The following CDX4 variants were observed in gnomAD, a reference collection of about 807,000 sequenced individuals.
CDX4 encodes homeobox protein CDX-4.
In CDX4, 11 loss-of-function variants were observed where a neutral mutation model predicts 14.1. The observed-to-expected ratio is 0.78, with a 90% CI of 0.49 to 1.29. The LOEUF is 1.29. Ranked by LOEUF, CDX4 falls within the 50% of genes most tolerant of loss-of-function variation. The pLI, the probability that CDX4 is intolerant of heterozygous loss-of-function variation, is 0.00. For missense variants in CDX4, 257 were observed against 237.4 expected (o/e 1.08, Z -0.54); for synonymous variants, 100 against 93.5 (o/e 1.07, Z -0.40).
chrX:73,448,825 C>T (rs947723372), intron 1 of CDX4, among the ~76,000 whole-genome samples: 1 of 112,183 alleles, frequency 8.9e-6, no homozygotes, highest in Admixed American at 9.4e-5. Flanking sequence ...ATTTTCATCC[C>T]TCTGGGGAGG....
intron 1 of CDX4, among the ~76,000 whole-genome samples, chrX:73,450,179 G>A (rs1032250920): frequency 7.2e-5 from 8 of 111,745 alleles, no homozygotes; most frequent in African/African-American, 2.6e-4. Flanking sequence ...AAAAATGCAT[G>A]TATTAGTGGA....
intron 2 of CDX4, among the ~76,000 whole-genome samples, chrX:73,453,939 C>T (rs1255326175): frequency 9.0e-6 from 1 of 111,438 alleles, no homozygotes; most frequent in Non-Finnish European, 1.9e-5. Flanking sequence ...GATAAATTTT[C>T]TATTTTATTT....
At chrX:73,450,179 G>C (rs1032250920) in intron 1 of CDX4, among the ~76,000 whole-genome samples, 3 of 111,745 alleles carry the variant, frequency 2.7e-5, no homozygotes, top group Non-Finnish European at 5.7e-5. Context: ...AAAAATGCAT[G>C]TATTAGTGGA....
rs1015820844 is a variant in CDX4 at position 73,453,429 on chromosome X, G to A, written c.503-88G>A. The A allele has an allele frequency of 4.1e-5, 29 of 699,570 alleles. No homozygotes were observed. The Admixed American group carries it at 1.1e-3, about 26-fold the overall frequency. 57.7% of individuals were successfully genotyped at this position (699,570 alleles called of 1,213,427 possible). A position where few individuals can be genotyped will look rare whatever the true frequency, so the allele number is the denominator to read the frequency against. ...ATTTTATATTTTAAAGCAAAGATGAGGGTGGGAAGAGTGTCTATGATTTCT... is the reference window on the plus strand; with the variant it reads ...ATTTTATATTTTAAAGCAAAGATGAAGGTGGGAAGAGTGTCTATGATTTCT... On this transcript the variant is annotated intron_variant, in intron 1 of 2. Transcript: ENST00000373514.
chrX:73,451,521 T>A (rs1460911187), intron 1 of CDX4, among the ~76,000 whole-genome samples: 2 of 111,264 alleles, frequency 1.8e-5, no homozygotes, highest in African/African-American at 6.5e-5. Context: ...TATCCCTCCT[T>A]TCTTCAGGGG....
intron 2 of CDX4, among the ~76,000 whole-genome samples, chrX:73,453,921 A>G (rs949674247): frequency 3.6e-5 from 4 of 111,709 alleles, no homozygotes; most frequent in African/African-American, 1.3e-4. Flanking sequence ...ATAGTATACT[A>G]ATAGGAAGAT....
chrX:73,450,476 G>C (rs1195542833), intron 1 of CDX4, among the ~76,000 whole-genome samples: 4 of 112,056 alleles, frequency 3.6e-5, no homozygotes, highest in African/African-American at 1.3e-4. Flanking sequence ...CTGGAGAGAG[G>C]CTTTTCTGTT....
chrX:73,448,267 C>T (rs950764161), intron 1 of CDX4, among the ~76,000 whole-genome samples: 1 of 110,787 alleles, frequency 9.0e-6, no homozygotes, highest in Admixed American at 9.6e-5. Flanking sequence ...TGGCTGGCAA[C>T]GGACCCTCCA....
chrX:73,450,961 T>C (rs1166284525), intron 1 of CDX4, among the ~76,000 whole-genome samples: 1 of 111,546 alleles, frequency 9.0e-6, no homozygotes, highest in East Asian at 2.8e-4. Context: ...GCTTGTGAAT[T>C]CTGGGGAGAT....
At chrX:73,452,231 G>A (rs1273265650) in intron 1 of CDX4, among the ~76,000 whole-genome samples, 4 of 107,199 alleles carry the variant, frequency 3.7e-5, no homozygotes, top group African/African-American at 1.4e-4. Flanking sequence ...AATGTAAAGA[G>A]GGTTCAGAAT....
Position 73,447,717 on chromosome X carries a change from G to A in CDX4, c.464G>A (p.Ser155Asn). The A allele has an allele frequency of 1.7e-6, 2 of 1,196,164 alleles. No individual in the cohort carries two copies. Among genetic ancestry groups the A allele is most frequent in the South Asian group, 1.8e-5 (1 of 55,507 alleles). The change falls in exon 1 of 3, where the codon AGC (serine) becomes AAC (asparagine). Residue 155 changes from serine (S) to asparagine (N), a missense_variant. Coordinates refer to ENST00000373514, the MANE Select transcript of CDX4 (RefSeq NM_005193.2). ...AGTTCCCCCAGCAGGAGCCGCCACA[G>A]CCCCTATGCATGGATGCGCAAGACG... ...KASSPSRSRH[S>N]PYAWMRKTVQ... is the part of the protein sequence containing the mutation.
intron 1 of CDX4, 108 bp from the exon 2 acceptor site, chrX:73,453,409 A>T: frequency 1.7e-6 from 1 of 596,109 alleles, no homozygotes; most frequent in East Asian, 3.8e-5. Flanking sequence ...TACTTATTTT[A>T]TATTTTAAAG....
rs73227752 is a variant in CDX4 at position 73,448,600 on chromosome X, C to A, written c.502+845C>A. On this transcript the variant is annotated intron_variant, in intron 1 of 2. Transcript: ENST00000373514. ...GGCTGAATGCAGGTCTGCGGCAGCG[C>A]GAGAGAAGTCAAAGCGATCGCGATC... Among the ~76,000 whole-genome samples, 66 of 112,145 alleles carry A rather than the reference C, an allele frequency of 5.9e-4. 1 individual carries two copies. Among genetic ancestry groups the A allele is most frequent in the Non-Finnish European group, 1.0e-3 (54 of 53,214 alleles).
rs2057102542 is a variant in CDX4 at position 73,455,000 on chromosome X, A to C, written c.*415A>C. The C allele has an allele frequency of 8.6e-6, 1 of 116,647 alleles. No individual in the cohort carries two copies. The highest frequency in any genetic ancestry group is 1.8e-5 in the Non-Finnish European group (1 of 56,378). 9.6% of individuals were successfully genotyped at this position (116,647 alleles called of 1,213,427 possible). A position where few individuals can be genotyped will look rare whatever the true frequency, so the allele number is the denominator to read the frequency against. ...TATGCTATCTTTAAGGAGTGAGAAG[A>C]AGGTAAACCGAAGTTTATCTATCTT... On this transcript the variant is annotated 3_prime_UTR_variant, in exon 3 of 3. Coordinates refer to ENST00000373514, the MANE Select transcript of CDX4 (RefSeq NM_005193.2).
intron 1 of CDX4, among the ~76,000 whole-genome samples, chrX:73,452,345 C>A (rs901061394): frequency 6.4e-5 from 7 of 109,037 alleles, no homozygotes; most frequent in African/African-American, 2.3e-4. Flanking sequence ...CTACAGATCG[C>A]CCCCAAAAAA....
Position 73,447,531 on chromosome X carries a change from T to C in CDX4, c.278T>C (p.Met93Thr), listed in dbSNP as rs754885067. Residue 93 changes from methionine (M) to threonine (T), a missense_variant, in exon 1 of 3, where the codon ATG becomes ACG. By Grantham distance (81) the Met-to-Thr change is moderately conservative. Coordinates refer to ENST00000373514, the MANE Select transcript of CDX4 (RefSeq NM_005193.2). ...WSVYPGPSST[M>T]GTVPVNDVTS... is the part of the protein sequence containing the mutation. Reference sequence around the variant, plus strand: ...GTGTATCCTGGGCCGTCTAGTACAATGGGCACAGTGCCGGTGAACGACGTG... The same window carrying C: ...GTGTATCCTGGGCCGTCTAGTACAACGGGCACAGTGCCGGTGAACGACGTG... 8.3e-7 allele frequency: 1 copy of C among 1,211,438 alleles called. No homozygotes were observed. Among genetic ancestry groups the C allele is most frequent in the South Asian group, 1.8e-5 (1 of 56,938 alleles).
At position 73,453,501 on chromosome X, in the gene CDX4, C is replaced by T. The variant is rs776312278; in HGVS notation, c.503-16C>T. ...AAGCAGAAAAAGATTAAATGCAATG[C>T]TTTCTCTCCTAACAGGGAAAACCAG... On this transcript the variant is annotated splice_polypyrimidine_tract_variant and intron_variant, in intron 1 of 2. Transcript: ENST00000373514. 1.7e-6 allele frequency: 2 copies of T among 1,184,290 alleles called. 1 individual carries two copies. Among genetic ancestry groups the T allele is most frequent in the South Asian group, 3.8e-5 (2 of 52,902 alleles).
intron 2 of CDX4, among the ~76,000 whole-genome samples, 178 bp from the exon 3 acceptor site, chrX:73,454,201 C>T (rs376960301): frequency 9.0e-6 from 1 of 111,531 alleles, no homozygotes; most frequent in Non-Finnish European, 1.9e-5. Context: ...AAGGTACTTG[C>T]CCTCTCTAAG....
In CDX4 at chrX:73,447,440, G is replaced by C; in HGVS notation, c.187G>C (p.Asp63His). 4.1e-6 allele frequency: 5 copies of C among 1,211,415 alleles called. No homozygotes were observed. The highest frequency in any genetic ancestry group is 5.6e-6 in the Non-Finnish European group (5 of 895,197). Reference sequence around the variant, plus strand: ...GGGGTATCCTCATATGCCCAGCATGGATCCTCACTGGCCGTCTCTGGGAGT... The same window carrying C: ...GGGGTATCCTCATATGCCCAGCATGCATCCTCACTGGCCGTCTCTGGGAGT... The part of the protein sequence containing the change: ...YMGYPHMPSM[D>H]PHWPSLGVWG... Residue 63 changes from aspartate (D) to histidine (H), a missense_variant, in exon 1 of 3, where the codon GAT becomes CAT. Physicochemically the swap from Asp to His is moderately conservative, Grantham distance 81. Coordinates refer to ENST00000373514, the MANE Select transcript of CDX4 (RefSeq NM_005193.2).
Sources: allele counts gnomAD v4.1 joint callset (sites outside exome capture counted in the v4.1 genomes callset), GRCh38; gene constraint gnomAD v4.1.1; transcripts MANE v1.5; gene names NCBI Gene and HGNC (gene_info 2026-07-23, HGNC 2026-07-21).